Variants in MAF observed in about 807,000 individuals in gnomAD.
MAF encodes the protein MAF bZIP transcription factor.
MAF carries 10 observed loss-of-function variants against 22.0 expected under a neutral mutation model. That is an observed-to-expected ratio of 0.45 (90% CI 0.28 to 0.77). MAF has a LOEUF of 0.77. Among genes scored for constraint, MAF ranks in the 30% least tolerant of loss-of-function variants. MAF has a pLI of 0.12. For synonymous variants in MAF, 337 were observed against 255.8 expected (o/e 1.32, Z -3.03); for missense variants, 544 against 548.4 (o/e 0.99, Z 0.08).
the MAF span, among the ~76,000 whole-genome samples, chr16:79,284,067 A>T: frequency 2.0e-5 from 3 of 151,856 alleles, no homozygotes; most frequent in Non-Finnish European, 4.4e-5. Context: ...CCTCAACTAC[A>T]AGGTATTTTA....
the MAF span, among the ~76,000 whole-genome samples, chr16:79,233,366 C>G: frequency 2.7e-4 from 41 of 151,942 alleles, no homozygotes; most frequent in African/African-American, 9.7e-4. Context: ...AAATGATCAT[C>G]CAGGGCCCCT....
the MAF span, among the ~76,000 whole-genome samples, chr16:79,565,724 A>C: frequency 6.6e-6 from 1 of 152,174 alleles, no homozygotes; most frequent in Non-Finnish European, 1.5e-5. Flanking sequence ...GAGTCAACTA[A>C]ACTTCTTTCC....
chr16:79,231,248 G>C, the MAF span, among the ~76,000 whole-genome samples: 1 of 152,034 alleles, frequency 6.6e-6, no homozygotes, highest in Non-Finnish European at 1.5e-5. Context: ...GGCCAGACTT[G>C]ACTGTTTAAG....
chr16:79,340,818 C>T, the MAF span, among the ~76,000 whole-genome samples: 3 of 152,122 alleles, frequency 2.0e-5, no homozygotes, highest in African/African-American at 7.2e-5. Flanking sequence ...CCCTGGGAAG[C>T]AAATCGCCCC....
the MAF span, among the ~76,000 whole-genome samples, chr16:79,406,943 G>A: frequency 4.6e-5 from 7 of 152,104 alleles, no homozygotes; most frequent in Admixed American, 2.0e-4. Context: ...CTTGTCTGAT[G>A]CTCTCAGCAA....
chr16:79,348,202 A>G, the MAF span, among the ~76,000 whole-genome samples: 1 of 152,332 alleles, frequency 6.6e-6, no homozygotes, highest in African/African-American at 2.4e-5. Context: ...TTTTGCACAC[A>G]CTGCAAAATC....
the MAF span, among the ~76,000 whole-genome samples, chr16:79,358,543 T>A: frequency 6.6e-6 from 1 of 152,138 alleles, no homozygotes; most frequent in Admixed American, 6.5e-5. Flanking sequence ...TAGAGGAGCG[T>A]GGATGGGAGG....
At chr16:79,329,205 A>G in the MAF span, among the ~76,000 whole-genome samples, 2 of 152,114 alleles carry the variant, frequency 1.3e-5, no homozygotes, top group East Asian at 1.9e-4. Context: ...CCTCTCTGCT[A>G]GAAAAGTCAG....
At chr16:79,539,645 T>G in the MAF span, among the ~76,000 whole-genome samples, 173 of 152,378 alleles carry the variant, frequency 1.1e-3, 1 homozygote, top group African/African-American at 3.9e-3. Context: ...GTGTTATCTA[T>G]AACAGGAAAA....
the MAF span, among the ~76,000 whole-genome samples, chr16:79,292,107 A>C: frequency 6.6e-6 from 1 of 152,126 alleles, no homozygotes; most frequent in Non-Finnish European, 1.5e-5. Flanking sequence ...TTTTCCAAGC[A>C]GAAGCTGTAG....
At chr16:79,206,471 A>C in the MAF span, 1 of 152,186 alleles carries the variant, frequency 6.6e-6, no homozygotes, top group Non-Finnish European at 1.5e-5. Flanking sequence ...TGGAAATACT[A>C]ACTGTCCCTG....
the MAF span, among the ~76,000 whole-genome samples, chr16:79,420,989 GCAC>G: frequency 6.6e-6 from 1 of 151,010 alleles, no homozygotes; most frequent in East Asian, 1.9e-4. Flanking sequence ...AGCTGAGATC[GCAC>G]CACTTCACTC....
At chr16:79,209,541 GA>G in the MAF span, among the ~76,000 whole-genome samples, 1 of 150,002 alleles carries the variant, frequency 6.7e-6, no homozygotes, top group African/African-American at 2.5e-5. Flanking sequence ...TGAAATGGGT[GA>G]GCTGGATTCT....
chr16:79,468,356 C>A, the MAF span, among the ~76,000 whole-genome samples: 16 of 152,332 alleles, frequency 1.1e-4, no homozygotes, highest in Admixed American at 1.0e-3. Context: ...CAGCCCTCAA[C>A]TAAAATGCTG....
chr16:79,320,513 C>T, the MAF span, among the ~76,000 whole-genome samples: 3 of 152,264 alleles, frequency 2.0e-5, no homozygotes, highest in East Asian at 1.9e-4. Flanking sequence ...TGCAGATCTC[C>T]GAAGGAGGCT....
Position 79,594,519 on chromosome 16 carries a change from C to T in MAF, c.1153G>A (p.Gly385Arg), listed in dbSNP as rs866382366. 1 of 1,565,890 alleles carries T rather than the reference C, an allele frequency of 6.4e-7. No individual in the cohort carries two copies. The highest frequency in any genetic ancestry group is 1.2e-5 in the South Asian group (1 of 85,208). Residue 385 changes from glycine (G) to arginine (R), a missense_variant, in exon 2 of 2, where the codon GGA becomes AGA. Physicochemically the swap from Gly to Arg is moderately radical, Grantham distance 125. Coordinates refer to ENST00000326043, the MANE Select transcript of MAF (RefSeq NM_005360.5). ...TGGGGCTTCCAAAATGTGGCGTATC[C>T]CACTGATGGCTCCAACTTGCGAGTG... ...EPTRKLEPSV[G>R]YATFWKPQHR...
At chr16:79,588,704 C>T (rs1259764313) in intron 1 of MAF, among the ~76,000 whole-genome samples, 2 of 152,032 alleles carry the variant, frequency 1.3e-5, no homozygotes, top group South Asian at 4.2e-4. Flanking sequence ...TCAGGTGATC[C>T]GCTCACCTGG....
the MAF span, among the ~76,000 whole-genome samples, chr16:79,441,800 T>C: frequency 6.6e-6 from 1 of 152,212 alleles, no homozygotes; most frequent in Non-Finnish European, 1.5e-5. Context: ...GGAACCCCAG[T>C]ATGTGGTCTT....
the MAF span, among the ~76,000 whole-genome samples, chr16:79,565,995 T>G: frequency 6.6e-6 from 1 of 152,120 alleles, no homozygotes. Context: ...CATGCACAAT[T>G]CACCCTGCAC....
Sources: gnomAD v4.1 joint callset for allele counts (sites outside exome capture counted in the v4.1 genomes callset) on GRCh38, gnomAD v4.1.1 for gene constraint, MANE v1.5 for transcripts, NCBI Gene and HGNC (gene_info 2026-07-23, HGNC 2026-07-21) for gene names.